The following DISP2 variants were observed in gnomAD, a reference collection of about 807,000 sequenced individuals.
The protein encoded by DISP2 is dispatched RND transporter family member 2.
A neutral mutation model predicts 95.5 loss-of-function variants in DISP2; 59 were observed. The ratio of observed to expected loss-of-function variants is 0.62; its 90% CI spans 0.50 to 0.77. DISP2 has a LOEUF of 0.77. Among genes scored for constraint, DISP2 ranks in the 30% least tolerant of loss-of-function variants. The probability of loss-of-function intolerance (pLI) is 0.00; values close to 1 mark genes in which losing one functional copy is unlikely to be tolerated. For synonymous variants in DISP2, 827 were observed against 815.0 expected (o/e 1.01, Z -0.25); for missense variants, 1,752 against 1,854.6 (o/e 0.94, Z 1.02).
At position 40,375,361 on chromosome 15, in the gene DISP2, C is replaced by G. The variant is rs1172814020; in HGVS notation, c.*5043C>G. The G allele has an allele frequency of 1.3e-5, 2 of 152,208 alleles. No homozygotes were observed. The highest frequency in any genetic ancestry group is 2.9e-5 in the Non-Finnish European group (2 of 68,046). 9.4% of individuals were successfully genotyped at this position (152,208 alleles called of 1,614,324 possible). A position where few individuals can be genotyped will look rare whatever the true frequency, so the allele number is the denominator to read the frequency against. ...GCTTTAATATTGCTAAAGAAAATCA[C>G]ACAGCTGAGCAGATTGATGTAGATT... On this transcript the variant is annotated 3_prime_UTR_variant, in exon 8 of 8. Coordinates refer to ENST00000267889, the MANE Select transcript of DISP2 (RefSeq NM_033510.3).
chr15:40,376,127 T>C lies in DISP2; in HGVS notation c.*5809T>C, dbSNP rs1889728966. 6.6e-6 allele frequency: 1 copy of C among 151,730 alleles called. No individual in the cohort carries two copies. Among genetic ancestry groups the C allele is most frequent in the Non-Finnish European group, 1.5e-5 (1 of 67,966 alleles). 9.4% of individuals were successfully genotyped at this position (151,730 alleles called of 1,614,324 possible). ...TTCATTGACATGTTATATTGTAAAA[T>C]ATATAAATATATATTAAAAAGGAAA... is the stretch of plus-strand genomic sequence containing the variant. On this transcript the variant is annotated 3_prime_UTR_variant, in exon 8 of 8. Coordinates refer to ENST00000267889, the MANE Select transcript of DISP2 (RefSeq NM_033510.3).
Position 40,378,611 on chromosome 15 carries a change from C to T in DISP2, c.*8293C>T, listed in dbSNP as rs1280005475. The T allele has an allele frequency of 2.0e-5, 3 of 150,344 alleles. No homozygotes were observed. The highest frequency in any genetic ancestry group is 6.6e-5 in the Admixed American group (1 of 15,054). 9.3% of individuals were successfully genotyped at this position (150,344 alleles called of 1,614,324 possible). On this transcript the variant is annotated 3_prime_UTR_variant, in exon 8 of 8. Coordinates refer to ENST00000267889, the MANE Select transcript of DISP2 (RefSeq NM_033510.3). The stretch of plus-strand genomic sequence containing the variant: ...CATTGTAACTTCCTGTCAATTATAA[C>T]GATTCCAAAATAAAGAATTTAAAAG...
Position 40,369,083 on chromosome 15 carries a change from T to C in DISP2, c.2971T>C (p.Phe991Leu). 1 of 1,614,100 alleles carries C rather than the reference T, an allele frequency of 6.2e-7. No homozygotes were observed. Among genetic ancestry groups the C allele is most frequent in the Non-Finnish European group, 8.5e-7 (1 of 1,180,038 alleles). The change falls in exon 8 of 8, where the codon TTC becomes CTC. Residue 991 changes from phenylalanine (F) to leucine (L), a missense_variant. By Grantham distance (22) the Phe-to-Leu change is conservative. Coordinates refer to ENST00000267889, the MANE Select transcript of DISP2 (RefSeq NM_033510.3). ...LGTWNVPLSL[F>L]SVAAVAGTVL... ...CACCTGGAATGTTCCCCTCAGCCTA[T>C]TCTCCGTGGCAGCTGTGGCAGGCAC...
intron 1 of DISP2, among the ~76,000 whole-genome samples, chr15:40,361,130 A>G (rs1889399691): frequency 1.3e-5 from 2 of 152,234 alleles, no homozygotes; most frequent in Admixed American, 6.5e-5. Context: ...GCTTTAGAAC[A>G]ACTTTGGTCA....
At position 40,368,289 on chromosome 15, in the gene DISP2, G is replaced by A. The variant is rs765789305; in HGVS notation, c.2177G>A (p.Arg726His). The A allele has an allele frequency of 5.0e-6, 8 of 1,606,322 alleles. No homozygotes were observed. Among genetic ancestry groups the A allele is most frequent in the South Asian group, 2.2e-5 (2 of 90,802 alleles). ...GCCTACATCGCCGGAGTCAGCCCCC[G>A]CCTGCGGCTGCCCACGCTGCCGCCG... ...GGAYIAGVSP[R>H]LRLPTLPPPG... The change falls in exon 8 of 8, where the codon CGC (arginine) becomes CAC (histidine). Residue 726 changes from arginine (R) to histidine (H), a missense_variant. Around this residue, in one of 5 missense-constraint regions of DISP2, gnomAD observed 732 missense variants for 714.6 expected, o/e 1.02. Transcript: ENST00000267889.
Position 40,358,248 on chromosome 15 carries a change from G to GCCGCCACCGCCA in DISP2, c.-63_-62insACCGCCACCGCC, listed in dbSNP as rs755868900. On this transcript the variant is annotated 5_prime_UTR_variant, in exon 1 of 8. Transcript: ENST00000267889. ...GCACGAGCACCCCGCCGCCGCTGCC[G>GCCGCCACCGCCA]CCGCCACCGCCGCCGCCGCCGCCGC... 10 of 1,034,652 alleles carry GCCGCCACCGCCA rather than the reference G, an allele frequency of 9.7e-6. No individual in the cohort carries two copies. The highest frequency in any genetic ancestry group is 4.5e-5 in the East Asian group (1 of 22,264). 64.1% of individuals were successfully genotyped at this position (1,034,652 alleles called of 1,614,324 possible). A position where few individuals can be genotyped will look rare whatever the true frequency, so the allele number is the denominator to read the frequency against.
chr15:40,358,412 T>C lies in DISP2; in HGVS notation c.91T>C (p.Leu31=). The change falls in exon 1 of 8, where the codon TTG becomes CTG. Residue 31 remains leucine (L), a synonymous_variant. Coordinates refer to ENST00000267889, the MANE Select transcript of DISP2 (RefSeq NM_033510.3). ...GGAGCAACGGCCCGAGGGGGAGCCC[T>C]TGGCCCCAGACGGCGGCTCCCCGGA... is the stretch of plus-strand genomic sequence containing the variant. The part of the protein sequence containing the change: ...EGEQRPEGEP[L]APDGGSPDST... 7.5e-7 allele frequency: 1 copy of C among 1,336,374 alleles called. No homozygotes were observed. The highest frequency in any genetic ancestry group is 9.6e-7 in the Non-Finnish European group (1 of 1,045,154). The allele number at this position is 1,336,374 out of a possible 1,614,324, so 82.8% of individuals were successfully genotyped here.
In DISP2 at chr15:40,376,164, A is replaced by AT. The variant is rs1473343449; in HGVS notation, c.*5851dup. ...TATTAAAAAGGAAAAAATAATAAAA[A>AT]TTTTTAAAAATAATTCAACTTCAGG... is the stretch of plus-strand genomic sequence containing the variant. On this transcript the variant is annotated 3_prime_UTR_variant, in exon 8 of 8. Coordinates refer to ENST00000267889, the MANE Select transcript of DISP2 (RefSeq NM_033510.3). 1 of 151,988 alleles carries AT rather than the reference A, an allele frequency of 6.6e-6. No individual in the cohort carries two copies. The highest frequency in any genetic ancestry group is 6.5e-5 in the Admixed American group (1 of 15,270). 9.4% of individuals were successfully genotyped at this position (151,988 alleles called of 1,614,324 possible). A position where few individuals can be genotyped will look rare whatever the true frequency, so the allele number is the denominator to read the frequency against.
Position 40,374,611 on chromosome 15 carries a change from A to G in DISP2, c.*4293A>G. 1 of 136,038 alleles carries G rather than the reference A, an allele frequency of 7.4e-6. No individual in the cohort carries two copies. 8.4% of individuals were successfully genotyped at this position (136,038 alleles called of 1,614,324 possible). The stretch of plus-strand genomic sequence containing the variant: ...TTGCCTATCGTCCAGAGAGTTTCTG[A>G]TCTTTTCTTTTTTTTTGAGACGGAG... On this transcript the variant is annotated 3_prime_UTR_variant, in exon 8 of 8. Transcript: ENST00000267889.
Position 40,365,227 on chromosome 15 carries a change from A to G in DISP2, c.800A>G (p.Glu267Gly), listed in dbSNP as rs759130979. 1 of 1,614,100 alleles carries G rather than the reference A, an allele frequency of 6.2e-7. No individual in the cohort carries two copies. The highest frequency in any genetic ancestry group is 2.2e-5 in the East Asian group (1 of 44,894). The change falls in exon 6 of 8, where the codon GAG becomes GGG. Residue 267 changes from glutamate to glycine, a missense_variant. By Grantham distance (98) the Glu-to-Gly change is moderately conservative. This residue lies in a region of DISP2 where 342 missense variants were observed against 364.3 expected (regional missense o/e 0.94). Transcript: ENST00000267889. ...GCTGTCCGGCCTCGGAGAATGGTGG[A>G]GCCCCTGGAGGACAGAAGGCAAGAG... is the stretch of plus-strand genomic sequence containing the variant. ...ESAVRPRRMV[E>G]PLEDRRQENF...
rs1354051702 is a variant in DISP2 at position 40,370,325 on chromosome 15, C to T, written c.*7C>T. 2.6e-6 allele frequency: 4 copies of T among 1,520,502 alleles called. No homozygotes were observed. In the African/African-American group the frequency reaches 4.2e-5, roughly 16 times the overall value. The allele number at this position is 1,520,502 out of a possible 1,614,324, so 94.2% of individuals were successfully genotyped here. On this transcript the variant is annotated 3_prime_UTR_variant, in exon 8 of 8. Transcript: ENST00000267889. ...GTCAGGCTATAGCAGCTGAGGGGGA[C>T]CCGGGGAGGCTGGACAGGGCGCGGA...
Position 40,368,837 on chromosome 15 carries a change from A to C in DISP2, c.2725A>C (p.Thr909Pro). The C allele has an allele frequency of 6.2e-7, 1 of 1,613,944 alleles. No individual in the cohort carries two copies. The highest frequency in any genetic ancestry group is 8.5e-7 in the Non-Finnish European group (1 of 1,180,032). ...GGCCGCCCTGGTCCTACAATTCCAG[A>C]CCAACTTCCGGAACAGTCCGGACTA... ...SLAALVLQFQ[T>P]NFRNSPDYNQ... is the part of the protein sequence containing the mutation. Residue 909 changes from threonine to proline, a missense_variant, in exon 8 of 8, where the codon ACC (threonine) becomes CCC (proline). Around this residue, in one of 5 missense-constraint regions of DISP2, gnomAD observed 317 missense variants for 394.9 expected, o/e 0.80. Coordinates refer to ENST00000267889, the MANE Select transcript of DISP2 (RefSeq NM_033510.3).
Position 40,369,754 on chromosome 15 carries a change from A to G in DISP2, c.3642A>G (p.Pro1214=), listed in dbSNP as rs35594441. The G allele has an allele frequency of 7.5e-6, 12 of 1,607,068 alleles. No homozygotes were observed. In the African/African-American group the frequency reaches 1.5e-4, roughly 20 times the overall value. The part of the protein sequence containing the change: ...CSRPPPAPAS[P]RELLLDHQAV... The stretch of plus-strand genomic sequence containing the variant: ...GGCCCCCACCAGCCCCTGCCTCCCC[A>G]AGGGAGCTGCTGCTGGACCACCAGG... The change falls in exon 8 of 8, where the codon CCA becomes CCG. Residue 1214 remains proline (P), a synonymous_variant. Coordinates refer to ENST00000267889, the MANE Select transcript of DISP2 (RefSeq NM_033510.3).
intron 1 of DISP2, among the ~76,000 whole-genome samples, chr15:40,360,690 A>G (rs1386893168): frequency 6.6e-6 from 1 of 152,160 alleles, no homozygotes; most frequent in Non-Finnish European, 1.5e-5. Context: ...CTTCTCCCGT[A>G]TCCTCTGGAA....
chr15:40,369,819 C>G lies in DISP2; in HGVS notation c.3707C>G (p.Pro1236Arg). The change falls in exon 8 of 8, where the codon CCC becomes CGC. Residue 1236 changes from proline to arginine, a missense_variant. Pro to Arg is a moderately radical substitution (Grantham distance 103, BLOSUM62 -2). Around this residue, in one of 5 missense-constraint regions of DISP2, gnomAD observed 347 missense variants for 344.2 expected, o/e 1.01. Coordinates refer to ENST00000267889, the MANE Select transcript of DISP2 (RefSeq NM_033510.3). ...SQCPALQTSS[P>R]YKQAGPSPKT... Reference sequence around the variant, plus strand: ...TGCCCTGCCCTGCAGACCTCCTCCCCCTATAAGCAGGCTGGCCCCAGCCCC... The same window carrying G: ...TGCCCTGCCCTGCAGACCTCCTCCCGCTATAAGCAGGCTGGCCCCAGCCCC... 2.5e-6 allele frequency: 4 copies of G among 1,588,168 alleles called. No individual in the cohort carries two copies. The highest frequency in any genetic ancestry group is 3.4e-6 in the Non-Finnish European group (4 of 1,164,232).
At position 40,368,770 on chromosome 15, in the gene DISP2, C is replaced by T; in HGVS notation, c.2658C>T (p.Gly886=). The change falls in exon 8 of 8, where the codon GGC becomes GGT. Residue 886 remains glycine (G), a synonymous_variant. Coordinates refer to ENST00000267889, the MANE Select transcript of DISP2 (RefSeq NM_033510.3). ...KMMALEQGPD[G]TQDLGLRFDA... is the part of the protein sequence containing the mutation. ...TGGCTCTGGAGCAAGGCCCCGATGG[C>T]ACCCAGGACCTGGGACTCCGCTTTG... 1 of 1,613,858 alleles carries T rather than the reference C, an allele frequency of 6.2e-7. No homozygotes were observed. The highest frequency in any genetic ancestry group is 8.5e-7 in the Non-Finnish European group (1 of 1,180,048).
Position 40,372,208 on chromosome 15 carries a change from C to G in DISP2, c.*1890C>G, listed in dbSNP as rs1889658772. On this transcript the variant is annotated 3_prime_UTR_variant, in exon 8 of 8. Coordinates refer to ENST00000267889, the MANE Select transcript of DISP2 (RefSeq NM_033510.3). ...TTTCCACTGCAGCCTCTCCGGGTATCTGGGGAACCCCTCCGGCTCCTGGCA... is the reference window on the plus strand; with the variant it reads ...TTTCCACTGCAGCCTCTCCGGGTATGTGGGGAACCCCTCCGGCTCCTGGCA... 1 of 152,124 alleles carries G rather than the reference C, an allele frequency of 6.6e-6. No individual in the cohort carries two copies. Among genetic ancestry groups the G allele is most frequent in the Non-Finnish European group, 1.5e-5 (1 of 68,022 alleles). The allele number at this position is 152,124 out of a possible 1,614,324, so 9.4% of individuals were successfully genotyped here. A position where few individuals can be genotyped will look rare whatever the true frequency, so the allele number is the denominator to read the frequency against.
Position 40,376,169 on chromosome 15 carries a change from T to A in DISP2, c.*5851T>A, listed in dbSNP as rs961195734. The A allele has an allele frequency of 6.6e-6, 1 of 152,034 alleles. No homozygotes were observed. The highest frequency in any genetic ancestry group is 2.4e-5 in the African/African-American group (1 of 41,426). 9.4% of individuals were successfully genotyped at this position (152,034 alleles called of 1,614,324 possible). ...AAAAGGAAAAAATAATAAAAATTTTTAAAAATAATTCAACTTCAGGTGAGA... is the reference window on the plus strand; with the variant it reads ...AAAAGGAAAAAATAATAAAAATTTTAAAAAATAATTCAACTTCAGGTGAGA... On this transcript the variant is annotated 3_prime_UTR_variant, in exon 8 of 8. Coordinates refer to ENST00000267889, the MANE Select transcript of DISP2 (RefSeq NM_033510.3).
chr15:40,360,377 G>A (rs566004365), intron 1 of DISP2, among the ~76,000 whole-genome samples: 24 of 152,292 alleles, frequency 1.6e-4, no homozygotes, highest in African/African-American at 5.1e-4. Context: ...AGTGGAGGTC[G>A]GTTTTTCTCA....
Sources: allele counts gnomAD v4.1 joint callset (sites outside exome capture counted in the v4.1 genomes callset), GRCh38; gene constraint gnomAD v4.1.1; regional missense constraint gnomAD v4.1.1; transcripts MANE v1.5; gene names NCBI Gene and HGNC (gene_info 2026-07-23, HGNC 2026-07-21).